The following TTC7A variants were observed in gnomAD, a reference collection of about 807,000 sequenced individuals.
The protein encoded by TTC7A is tetratricopeptide repeat domain 7A, also known as tetratricopeptide repeat protein 7A.
TTC7A carries 110 observed loss-of-function variants against 103.7 expected under a neutral mutation model. The observed-to-expected ratio is 1.06, with a 90% CI of 0.91 to 1.24. The LOEUF (loss-of-function observed/expected upper bound fraction) is 1.24, where lower values mean the gene tolerates loss of function less well. TTC7A is among the 50% of genes most tolerant of loss of function. The probability of loss-of-function intolerance (pLI) is 0.00; values close to 1 mark genes in which losing one functional copy is unlikely to be tolerated. For synonymous variants in TTC7A, 521 were observed against 467.9 expected, an observed-to-expected ratio of 1.11 and a Z score of -1.47; for missense variants, 1,340 against 1,116.3, an observed-to-expected ratio of 1.20 and a Z score of -2.86.
At chr2:46,955,422 C>G (rs1671768619) in intron 2 of TTC7A, among the ~76,000 whole-genome samples, 1 of 152,160 alleles carries the variant, frequency 6.6e-6, no homozygotes, top group South Asian at 2.1e-4. Context: ...ATAGAGAGAG[C>G]AGGTCAGGCG....
chr2:46,999,396 A>G (rs1392155415), intron 8 of TTC7A: 2 of 661,358 alleles, frequency 3.0e-6, no homozygotes, highest in African/African-American at 3.9e-5. Flanking sequence ...CCATTCATCC[A>G]TCCAGCCACC....
chr2:46,993,309 C>T, intron 5 of TTC7A, 141 bp from the exon 6 acceptor site: 1 of 762,552 alleles, frequency 1.3e-6, no homozygotes, highest in Non-Finnish European at 2.3e-6. Context: ...TGTTACAACT[C>T]TAACTTTTCA....
intron 18 of TTC7A, among the ~76,000 whole-genome samples, chr2:47,057,755 C>T (rs1683436856): frequency 6.6e-6 from 1 of 152,206 alleles, no homozygotes; most frequent in African/African-American, 2.4e-5. Flanking sequence ...TCTTCCTTGT[C>T]CTCTTAGTCC....
At chr2:47,045,328 C>A (rs1435592342) in intron 15 of TTC7A, among the ~76,000 whole-genome samples, 1 of 152,226 alleles carries the variant, frequency 6.6e-6, no homozygotes, top group African/African-American at 2.4e-5. Flanking sequence ...AGCAGGGCCT[C>A]CAGGGCTCCA....
At chr2:46,944,284 G>C (rs1314575957) in intron 1 of TTC7A, among the ~76,000 whole-genome samples, 1 of 151,764 alleles carries the variant, frequency 6.6e-6, no homozygotes, top group East Asian at 1.9e-4. Context: ...ACGAACTCAC[G>C]AAGTCTCGTC....
intron 3 of TTC7A, among the ~76,000 whole-genome samples, chr2:46,968,661 C>T (rs1673071679): frequency 6.6e-6 from 1 of 152,192 alleles, no homozygotes; most frequent in Admixed American, 6.5e-5. Context: ...TAGAGGACCG[C>T]CTCCGTGAAT....
chr2:46,995,178 C>T lies in TTC7A; in HGVS notation c.1044C>T (p.Leu348=). The part of the protein sequence containing the change: ...PKDNIEEALL[L]LLISESMATR... ...ACAACATCGAGGAAGCCCTCCTGCT[C>T]CTCCTCATCAGCGAATCCATGGTAA... Residue 348 remains leucine (L), a synonymous_variant, in exon 8 of 20, where the codon CTC becomes CTT. Transcript: ENST00000319190. 6.2e-7 allele frequency: 1 copy of T among 1,614,192 alleles called. No individual in the cohort carries two copies. The highest frequency in any genetic ancestry group is 8.5e-7 in the Non-Finnish European group (1 of 1,180,020).
intron 15 of TTC7A, among the ~76,000 whole-genome samples, chr2:47,030,781 C>T (rs964847979): frequency 2.6e-5 from 4 of 152,186 alleles, no homozygotes; most frequent in African/African-American, 9.7e-5. Context: ...AGTGTGTGGC[C>T]AACTTGACAC....
intron 8 of TTC7A, among the ~76,000 whole-genome samples, chr2:46,996,275 C>T (rs949987714): frequency 3.3e-5 from 5 of 152,178 alleles, no homozygotes; most frequent in Non-Finnish European, 7.3e-5. Flanking sequence ...TGGTCAGGTC[C>T]AAGTCCTCCG....
upstream of TTC7A, among the ~76,000 whole-genome samples, chr2:46,936,930 C>A (rs1263667417): frequency 6.6e-6 from 1 of 151,472 alleles, no homozygotes; most frequent in Non-Finnish European, 1.5e-5. Context: ...TCTCAGCTCA[C>A]TGCAACCTCT....
At chr2:47,022,485 C>T (rs905562811) in intron 12 of TTC7A, among the ~76,000 whole-genome samples, 4 of 152,196 alleles carry the variant, frequency 2.6e-5, no homozygotes, top group African/African-American at 4.8e-5. Flanking sequence ...GGATTCTGCT[C>T]CTTCCTGCCC....
intron 5 of TTC7A, among the ~76,000 whole-genome samples, chr2:46,991,849 C>T (rs1268493395): frequency 6.6e-6 from 1 of 152,106 alleles, no homozygotes; most frequent in African/African-American, 2.4e-5. Flanking sequence ...ACTTGGCAGG[C>T]TAGCGAAGGT....
intron 2 of TTC7A, 67 bp from the exon 3 acceptor site, chr2:46,956,772 T>C: frequency 6.3e-7 from 1 of 1,578,208 alleles, no homozygotes; most frequent in Non-Finnish European, 8.7e-7. Flanking sequence ...AGGTCCAGGT[T>C]CAGTGGGGGT....
At chr2:47,004,856 G>C (rs1049683203) in intron 8 of TTC7A, among the ~76,000 whole-genome samples, 2 of 152,020 alleles carry the variant, frequency 1.3e-5, no homozygotes, top group African/African-American at 2.4e-5. Context: ...CAGCTGAGGA[G>C]CTTCTCCCTT....
chr2:47,044,175 GCC>G (rs920769180), intron 15 of TTC7A, among the ~76,000 whole-genome samples: 5 of 152,112 alleles, frequency 3.3e-5, no homozygotes, highest in African/African-American at 1.2e-4. Context: ...CTGACTCCCA[GCC>G]AAGTCCCACT....
intron 3 of TTC7A, among the ~76,000 whole-genome samples, chr2:46,969,597 G>A (rs147651835): frequency 0.061 from 9,327 of 152,150 alleles, 305 homozygotes; most frequent in Non-Finnish European, 0.072. Flanking sequence ...TGTATTTTTA[G>A]TAGAGACGGG....
chr2:47,037,284 C>T (rs1251253114), intron 15 of TTC7A, among the ~76,000 whole-genome samples: 2 of 152,234 alleles, frequency 1.3e-5, no homozygotes, highest in East Asian at 1.9e-4. Flanking sequence ...TGCTTACCCC[C>T]ATGGTAGGGA....
chr2:47,035,859 C>T (rs1681044986), intron 15 of TTC7A, among the ~76,000 whole-genome samples: 1 of 152,196 alleles, frequency 6.6e-6, no homozygotes, highest in South Asian at 2.1e-4. Flanking sequence ...CAAAGCAGAG[C>T]TGACCTCTCC....
At chr2:46,924,065 C>T (rs1030391845) in intron 2 of TTC7A, among the ~76,000 whole-genome samples, 2 of 151,874 alleles carry the variant, frequency 1.3e-5, no homozygotes, top group Admixed American at 6.6e-5. Context: ...AATAGCCAGG[C>T]GTGGTGGTGT....
Sources: gnomAD v4.1 joint callset for allele counts (sites outside exome capture counted in the v4.1 genomes callset) on GRCh38, gnomAD v4.1.1 for gene constraint, MANE v1.5 for transcripts, NCBI Gene and HGNC (gene_info 2026-07-23, HGNC 2026-07-21) for gene names.